TMPRSS15: variants seen among roughly 807,000 people sequenced by gnomAD.
TMPRSS15 encodes enteropeptidase.
In TMPRSS15, 128 loss-of-function variants were observed where a neutral mutation model predicts 125.3. That is an observed-to-expected ratio of 1.02 (90% CI 0.89 to 1.18). The LOEUF (loss-of-function observed/expected upper bound fraction) is 1.18. TMPRSS15 is among the 50% of genes most tolerant of loss of function. The probability of loss-of-function intolerance (pLI) is 0.00; values close to 1 mark genes in which losing one functional copy is unlikely to be tolerated. For missense variants in TMPRSS15, 1,283 were observed against 1,212.7 expected, an observed-to-expected ratio of 1.06 and a Z score of -0.86; for synonymous variants, 446 against 423.2, an observed-to-expected ratio of 1.05 and a Z score of -0.66.
Position 18,403,626 on chromosome 21 carries a change from TG to T in TMPRSS15, c.-5del, listed in dbSNP as rs1393046973. 1.2e-6 allele frequency: 2 copies of T among 1,614,118 alleles called. No homozygotes were observed. ...ATATGCCTCTTTTCGACCCCATTTT[TG>T]GTTTTGAAGGCTTGCTAATTTAAGA... is the stretch of plus-strand genomic sequence containing the variant. On this transcript the variant is annotated 5_prime_UTR_variant, in exon 1 of 25. Coordinates refer to ENST00000284885, the MANE Select transcript of TMPRSS15 (RefSeq NM_002772.3).
At chr21:18,317,887 CCCATCCCA>C in intron 16 of TMPRSS15, among the ~76,000 whole-genome samples, 3 of 129,246 alleles carry the variant, frequency 2.3e-5, no homozygotes, top group Non-Finnish European at 3.2e-5. Context: ...CCCATCCCAT[CCCATCCCA>C]TCCCATCCCA....
At chr21:18,338,972 G>A (rs1055686018) in intron 13 of TMPRSS15, among the ~76,000 whole-genome samples, 5 of 151,844 alleles carry the variant, frequency 3.3e-5, no homozygotes, top group African/African-American at 1.2e-4. Flanking sequence ...TTATCTGCAC[G>A]CTTCCTTAAA....
intron 3 of TMPRSS15, among the ~76,000 whole-genome samples, chr21:18,391,347 A>C (rs369133804): frequency 2.0e-5 from 3 of 152,360 alleles, no homozygotes; most frequent in East Asian, 3.9e-4. Flanking sequence ...CAAGATACAA[A>C]GGGGTTACAA....
intron 21 of TMPRSS15, among the ~76,000 whole-genome samples, chr21:18,293,001 T>C (rs1166342225): frequency 6.6e-6 from 1 of 152,154 alleles, no homozygotes; most frequent in Non-Finnish European, 1.5e-5. Flanking sequence ...TAGATGTAGA[T>C]GGGATGGTGC....
At chr21:18,368,386 G>T (rs1231878302) in intron 6 of TMPRSS15, among the ~76,000 whole-genome samples, 1 of 152,188 alleles carries the variant, frequency 6.6e-6, no homozygotes, top group African/African-American at 2.4e-5. Flanking sequence ...GTCAGATAAG[G>T]TCATGTGACT....
chr21:18,324,349 T>G (rs1222776763), intron 16 of TMPRSS15, among the ~76,000 whole-genome samples: 3 of 152,194 alleles, frequency 2.0e-5, no homozygotes, highest in Admixed American at 2.0e-4. Flanking sequence ...CTGCAGCAAT[T>G]TTTGTGGAAA....
At chr21:18,459,648 T>C (rs1427654661) in intron 1 of TMPRSS15, among the ~76,000 whole-genome samples, 1 of 152,206 alleles carries the variant, frequency 6.6e-6, no homozygotes, top group Non-Finnish European at 1.5e-5. Context: ...TGCAAATGTG[T>C]TGATTTATTT....
At chr21:18,419,375 G>A (rs9305867) in intron 1 of TMPRSS15, among the ~76,000 whole-genome samples, 8,459 of 151,720 alleles carry the variant, frequency 0.056, 449 homozygotes, top group African/African-American at 0.13. Flanking sequence ...ACAGGCGCCC[G>A]CCACCACGCC....
At chr21:18,285,216 G>A (rs552599249) in intron 21 of TMPRSS15, among the ~76,000 whole-genome samples, 3 of 152,148 alleles carry the variant, frequency 2.0e-5, no homozygotes, top group Non-Finnish European at 4.4e-5. Context: ...TGCAGAAGCA[G>A]CACCAGATAA....
chr21:18,370,401 G>GATCATCATTATATT (rs1164149548), intron 6 of TMPRSS15, among the ~76,000 whole-genome samples: 11 of 151,978 alleles, frequency 7.2e-5, no homozygotes, highest in Non-Finnish European at 1.3e-4. Flanking sequence ...CTCTATTTAA[G>GATCATCATTATATT]GATATTGATC....
intron 14 of TMPRSS15, among the ~76,000 whole-genome samples, chr21:18,330,927 G>A (rs1412171177): frequency 6.6e-6 from 1 of 151,988 alleles, no homozygotes; most frequent in Non-Finnish European, 1.5e-5. Context: ...AAAAAAATTA[G>A]CGGGGCCTGG....
intron 1 of TMPRSS15, among the ~76,000 whole-genome samples, chr21:18,475,889 G>A (rs982477603): frequency 1.3e-5 from 2 of 152,074 alleles, no homozygotes; most frequent in Non-Finnish European, 2.9e-5. Context: ...ACTTTGTACA[G>A]ATTTTATTTT....
intron 1 of TMPRSS15, among the ~76,000 whole-genome samples, chr21:18,421,795 C>T (rs2076192447): frequency 6.6e-6 from 1 of 152,048 alleles, no homozygotes; most frequent in Admixed American, 6.6e-5. Context: ...ATGGATTAAG[C>T]CTTATGGAGA....
chr21:18,329,742 T>C (rs1376891239), intron 14 of TMPRSS15, among the ~76,000 whole-genome samples: 1 of 151,608 alleles, frequency 6.6e-6, no homozygotes, highest in Non-Finnish European at 1.5e-5. Context: ...ATTTTTGCAT[T>C]TATTTACATT....
At chr21:18,300,593 C>T (rs1163581224) in intron 18 of TMPRSS15, among the ~76,000 whole-genome samples, 1 of 151,836 alleles carries the variant, frequency 6.6e-6, no homozygotes, top group Non-Finnish European at 1.5e-5. Flanking sequence ...AATCCACCTG[C>T]CTTGGCCTCC....
intron 13 of TMPRSS15, 34 bp downstream of exon 13, chr21:18,341,379 T>G: frequency 6.2e-7 from 1 of 1,613,798 alleles, no homozygotes; most frequent in Non-Finnish European, 8.5e-7. Context: ...CGTTAATGAT[T>G]TAATAAGACA....
chr21:18,419,937 G>C (rs1231887704), intron 1 of TMPRSS15, among the ~76,000 whole-genome samples: 2 of 152,178 alleles, frequency 1.3e-5, no homozygotes, highest in African/African-American at 4.8e-5. Context: ...GTGAAGGAGA[G>C]TAACAGCTAA....
At chr21:18,284,159 A>C (rs1284626855) in intron 21 of TMPRSS15, among the ~76,000 whole-genome samples, 3 of 152,158 alleles carry the variant, frequency 2.0e-5, no homozygotes, top group Admixed American at 1.3e-4. Flanking sequence ...GCCATGTATC[A>C]TTTACATCTT....
chr21:18,291,771 T>C (rs187536529), intron 21 of TMPRSS15, among the ~76,000 whole-genome samples: 98 of 152,306 alleles, frequency 6.4e-4, no homozygotes, highest in Admixed American at 2.1e-3. Flanking sequence ...AATAATTCCA[T>C]TGAATGCCTA....
Sources: allele counts gnomAD v4.1 joint callset (sites outside exome capture counted in the v4.1 genomes callset), GRCh38; gene constraint gnomAD v4.1.1; transcripts MANE v1.5; gene names NCBI Gene and HGNC (gene_info 2026-07-23, HGNC 2026-07-21).